The following NECAB2 variants were observed in gnomAD, a reference collection of about 807,000 sequenced individuals.
NECAB2 encodes N-terminal EF-hand calcium binding protein 2, also known as N-terminal EF-hand calcium-binding protein 2.
Under a neutral mutation model 51.9 loss-of-function variants are expected in NECAB2, and 68 were observed. The ratio of observed to expected loss-of-function variants is 1.31; its 90% CI spans 1.08 to 1.60. NECAB2 has a LOEUF of 1.60. NECAB2 is among the 40% of genes most tolerant of loss of function. NECAB2 has a pLI of 0.00. For synonymous variants in NECAB2, 329 were observed against 203.5 expected, an observed-to-expected ratio of 1.62 and a Z score of -5.25; for missense variants, 854 against 490.3, an observed-to-expected ratio of 1.74 and a Z score of -7.00.
At chr16:83,980,967 G>T in intron 4 of NECAB2, 63 bp from the exon 5 acceptor site, 1 of 1,604,514 alleles carries the variant, frequency 6.2e-7, no homozygotes, top group African/African-American at 1.3e-5. Context: ...GGTGGGAGGT[G>T]CAGGAGTGCT....
At chr16:83,997,131 C>G (rs1454440401) in intron 8 of NECAB2, 85 bp from the exon 9 acceptor site, 3 of 1,555,168 alleles carry the variant, frequency 1.9e-6, no homozygotes, top group Non-Finnish European at 2.7e-6. Flanking sequence ...GAGCTCCCAA[C>G]AGCCCCAGGG....
rs556835319 is a variant in NECAB2, at chr16:83,973,878, G to A, written c.226+1703G>A. On this transcript the variant is annotated intron_variant, in intron 2 of 12. Coordinates refer to ENST00000305202, the MANE Select transcript of NECAB2 (RefSeq NM_019065.3). ...GCCTCTAGCCATGGCTGTGCATCCC[G>A]AGTGTGTGTGCAGTTAGTGTGCGTG... is the stretch of plus-strand genomic sequence containing the variant. Among the ~76,000 whole-genome samples, 220 of 152,264 alleles carry A rather than the reference G, an allele frequency of 1.4e-3. 1 individual carries two copies. Among genetic ancestry groups the A allele is most frequent in the Middle Eastern group, 6.8e-3 (2 of 294 alleles).
intron 6 of NECAB2, among the ~76,000 whole-genome samples, chr16:83,991,817 T>C (rs980191224): frequency 1.1e-5 from 1 of 93,216 alleles, no homozygotes; most frequent in African/African-American, 8.7e-5. Flanking sequence ...CACCCAGCTA[T>C]TTTTTTTTTT....
At chr16:83,972,041 A>T (rs752249575) in intron 1 of NECAB2, 110 bp from the exon 2 acceptor site, 9 of 1,463,672 alleles carry the variant, frequency 6.1e-6, no homozygotes, top group South Asian at 1.2e-5. Context: ...GCTTCCCAGG[A>T]CCCTAAGCTG....
chr16:83,997,362 C>G lies in NECAB2; in HGVS notation c.849+93C>G, dbSNP rs141718703. On this transcript the variant is annotated intron_variant, in intron 9 of 12. Transcript: ENST00000305202. Reference sequence around the variant, plus strand: ...GTGGCTCAATGCCCCTGACCCCGCTCTCCCTGCTTGGGACCACCAGGAGGG... The same window carrying G: ...GTGGCTCAATGCCCCTGACCCCGCTGTCCCTGCTTGGGACCACCAGGAGGG... 305 of 1,516,554 alleles carry G rather than the reference C, an allele frequency of 2.0e-4. No homozygotes were observed. In the African/African-American group the frequency reaches 3.6e-3, roughly 18 times the overall value. The allele number at this position is 1,516,554 out of a possible 1,614,324, so 93.9% of individuals were successfully genotyped here.
intron 2 of NECAB2, among the ~76,000 whole-genome samples, chr16:83,974,969 G>T (rs1643029808): frequency 6.9e-6 from 1 of 145,776 alleles, no homozygotes; most frequent in Non-Finnish European, 1.5e-5. Context: ...GATGGGAACA[G>T]GTGTGCAGGG....
At chr16:83,989,471 T>A (rs986264788) in intron 5 of NECAB2, among the ~76,000 whole-genome samples, 1 of 152,166 alleles carries the variant, frequency 6.6e-6, no homozygotes. Context: ...GAGTGATGGA[T>A]GGTTTAATTT....
intron 5 of NECAB2, among the ~76,000 whole-genome samples, chr16:83,982,756 C>T (rs2084504808): frequency 6.6e-6 from 1 of 152,148 alleles, no homozygotes; most frequent in Admixed American, 6.5e-5. Flanking sequence ...TCTTGGAAGT[C>T]ATGTGCGTAT....
chr16:83,992,421 C>T (rs1316761075), intron 6 of NECAB2, among the ~76,000 whole-genome samples: 3 of 141,978 alleles, frequency 2.1e-5, no homozygotes, highest in Non-Finnish European at 4.5e-5. Context: ...GAGAAAAACC[C>T]TTCTTTGCTC....
intron 5 of NECAB2, among the ~76,000 whole-genome samples, chr16:83,983,392 G>A (rs1013175857): frequency 6.6e-6 from 1 of 152,122 alleles, no homozygotes; most frequent in African/African-American, 2.4e-5. Context: ...GCACGGCCAG[G>A]CATGCTTGTT....
Position 84,001,993 on chromosome 16 carries a change from C to T in NECAB2, c.1132+77C>T, listed in dbSNP as rs573125103. The T allele has an allele frequency of 5.4e-5, 79 of 1,466,602 alleles. No individual in the cohort carries two copies. In the African/African-American group the frequency reaches 1.0e-3, roughly 19 times the overall value. The allele number at this position is 1,466,602 out of a possible 1,614,324, so 90.8% of individuals were successfully genotyped here. The stretch of plus-strand genomic sequence containing the variant: ...CAAGAGCCTAGAGGCTGCCCCATAT[C>T]TCCCGGGGACTTGCCTGCTTGCTGT... On this transcript the variant is annotated intron_variant, in intron 12 of 12. Transcript: ENST00000305202.
chr16:83,970,589 A>G (rs1464395141), intron 1 of NECAB2, among the ~76,000 whole-genome samples: 1 of 151,904 alleles, frequency 6.6e-6, no homozygotes. Context: ...TCTGTCCTTT[A>G]CCCCAAGGCG....
chr16:84,001,671 A>G (rs1048963620), intron 11 of NECAB2, among the ~76,000 whole-genome samples, 154 bp from the exon 12 acceptor site: 1 of 104,220 alleles, frequency 9.6e-6, no homozygotes, highest in Non-Finnish European at 1.7e-5. Context: ...CTCCCTGGGC[A>G]CCCCCTCACC....
In NECAB2 at chr16:83,996,268, C is replaced by T. The variant is rs1180264561; in HGVS notation, c.796-948C>T. Among the ~76,000 whole-genome samples the T allele has an allele frequency of 2.0e-5, 3 of 152,190 alleles. No homozygotes were observed. The East Asian group carries it at 5.8e-4, about 29-fold the overall frequency. On this transcript the variant is annotated intron_variant, in intron 8 of 12. Coordinates refer to ENST00000305202, the MANE Select transcript of NECAB2 (RefSeq NM_019065.3). Reference sequence around the variant, plus strand: ...TAAAACCATGGAAACAGACTTGTTCCTGCCAGGCACACCTTCACCACTTAC... The same window carrying T: ...TAAAACCATGGAAACAGACTTGTTCTTGCCAGGCACACCTTCACCACTTAC...
chr16:83,989,567 C>T (rs1049648896), intron 5 of NECAB2, among the ~76,000 whole-genome samples: 6 of 152,132 alleles, frequency 3.9e-5, no homozygotes, highest in Non-Finnish European at 8.8e-5. Context: ...CTTGGGAAGG[C>T]GGGGTCTTGG....
chr16:83,995,456 G>A (rs1238388422), intron 8 of NECAB2, among the ~76,000 whole-genome samples: 1 of 152,078 alleles, frequency 6.6e-6, no homozygotes, highest in African/African-American at 2.4e-5. Flanking sequence ...CCAAAATGAT[G>A]TCTCCGGTTT....
chr16:83,999,579 C>T (rs12446474), intron 10 of NECAB2, among the ~76,000 whole-genome samples: 3,298 of 152,224 alleles, frequency 0.022, 61 homozygotes, highest in Non-Finnish European at 0.033. Flanking sequence ...AGCCCCTCCT[C>T]CCCAGCTTTT....
chr16:83,966,851 G>T (rs1158975441), upstream of NECAB2, among the ~76,000 whole-genome samples: 1 of 152,194 alleles, frequency 6.6e-6, no homozygotes, highest in Non-Finnish European at 1.5e-5. Context: ...CATGGTCTAA[G>T]GTGCTACCTT....
At chr16:83,965,740 C>T (rs923728208), upstream of NECAB2, 1 of 1,613,492 alleles carries the variant, frequency 6.2e-7, no homozygotes. Context: ...TGTTTGGGGT[C>T]TCCCTGGTGC....
Sources: allele counts gnomAD v4.1 joint callset (sites outside exome capture counted in the v4.1 genomes callset), GRCh38; gene constraint gnomAD v4.1.1; transcripts MANE v1.5; gene names NCBI Gene and HGNC (gene_info 2026-07-23, HGNC 2026-07-21).